The following BRK1 variants were observed in gnomAD, a reference collection of about 807,000 sequenced individuals.
The protein encoded by BRK1 is protein BRICK1.
A neutral mutation model predicts 9.9 loss-of-function variants in BRK1; 6 were observed. The observed-to-expected ratio is 0.60, with a 90% confidence interval of 0.33 to 1.19. The LOEUF is 1.19. Among genes scored for constraint, BRK1 ranks in the 50% most tolerant of loss-of-function variants. The pLI is 0.04. For missense variants in BRK1, 62 were observed against 97.5 expected, an observed-to-expected ratio of 0.64 and a Z score of 1.53; for synonymous variants, 44 against 31.9, an observed-to-expected ratio of 1.38 and a Z score of -1.28.
chr3:10,122,482 G>C (rs1381391320), intron 1 of BRK1, among the ~76,000 whole-genome samples: 2 of 152,044 alleles, frequency 1.3e-5, no homozygotes, highest in African/African-American at 4.8e-5. Context: ...AAGGCAGGTG[G>C]ATTGCTTGAG....
intron 1 of BRK1, among the ~76,000 whole-genome samples, chr3:10,122,890 G>A (rs185107606): frequency 3.9e-5 from 6 of 152,330 alleles, no homozygotes; most frequent in Admixed American, 2.0e-4. Context: ...GTTGAGGCAA[G>A]ATCAGGGTGT....
At chr3:10,124,999 A>T (rs1231861937) in intron 1 of BRK1, among the ~76,000 whole-genome samples, 3 of 152,206 alleles carry the variant, frequency 2.0e-5, no homozygotes, top group Non-Finnish European at 4.4e-5. Context: ...GCCCAAATGG[A>T]CAATCCAAGA....
rs67667957 is a variant in BRK1, at chr3:10,125,580, G to C, written c.119-46G>C. ...GTAGGTGTTGTGTGTGTCTGTGTCT[G>C]TGTTTGGAGTGACATTAATCCTGAA... On this transcript the variant is annotated intron_variant, in intron 1 of 2. Transcript: ENST00000530758. 0.17 allele frequency: 205,913 copies of C among 1,181,436 alleles called. 19,593 individuals carry two copies. The highest frequency in any genetic ancestry group is 0.33 in the African/African-American group (21,932 of 66,158). 73.2% of individuals were successfully genotyped at this position (1,181,436 alleles called of 1,614,324 possible).
intron 1 of BRK1, among the ~76,000 whole-genome samples, chr3:10,122,629 A>T (rs1695773931): frequency 6.6e-6 from 1 of 152,132 alleles, no homozygotes. Flanking sequence ...GCTGAGGTGG[A>T]AGGATCACTT....
At position 10,126,921 on chromosome 3, in the gene BRK1, C is replaced by T. The variant is rs1695849168; in HGVS notation, c.*626C>T. On this transcript the variant is annotated 3_prime_UTR_variant, in exon 3 of 3. Coordinates refer to ENST00000530758, the MANE Select transcript of BRK1 (RefSeq NM_018462.5). ...CCTAATAAACTCCTCAACTTTTTAT[C>T]TGACTGCTGTGATTATGGTGGGGAG... 6.5e-6 allele frequency: 1 copy of T among 152,706 alleles called. No individual in the cohort carries two copies. Among genetic ancestry groups the T allele is most frequent in the Non-Finnish European group, 1.5e-5 (1 of 68,072 alleles). 9.5% of individuals were successfully genotyped at this position (152,706 alleles called of 1,614,324 possible). A position where few individuals can be genotyped will look rare whatever the true frequency, so the allele number is the denominator to read the frequency against.
chr3:10,121,049 G>T (rs1382490898), intron 1 of BRK1, among the ~76,000 whole-genome samples: 1 of 152,128 alleles, frequency 6.6e-6, no homozygotes, highest in Non-Finnish European at 1.5e-5. Flanking sequence ...AGGAAAAGGG[G>T]GATGCTGAAG....
intron 2 of BRK1, among the ~76,000 whole-genome samples, chr3:10,125,999 G>A (rs1695834681): frequency 6.6e-6 from 1 of 152,118 alleles, no homozygotes; most frequent in South Asian, 2.1e-4. Flanking sequence ...GCTGAGGCAG[G>A]AGAATTACTT....
rs184574681 is a variant in BRK1 at position 10,125,184 on chromosome 3, C to T, written c.119-442C>T. Among the ~76,000 whole-genome samples the T allele has an allele frequency of 4.2e-5, 6 of 143,706 alleles. No homozygotes were observed. In the East Asian group the frequency reaches 9.8e-4, roughly 23 times the overall value. The allele number at this position is 143,706 out of a possible 152,430, so 94.3% of individuals were successfully genotyped here. A position where few individuals can be genotyped will look rare whatever the true frequency, so the allele number is the denominator to read the frequency against. On this transcript the variant is annotated intron_variant, in intron 1 of 2. Transcript: ENST00000530758. Reference sequence around the variant, plus strand: ...GTGGCGAGATCTTGGCTCACTGCAACCTTTGCCCCCCCCGGTTCAAGTGAT... The same window carrying T: ...GTGGCGAGATCTTGGCTCACTGCAATCTTTGCCCCCCCCGGTTCAAGTGAT...
At chr3:10,124,096 T>A (rs1260792178) in intron 1 of BRK1, among the ~76,000 whole-genome samples, 1 of 107,378 alleles carries the variant, frequency 9.3e-6, no homozygotes, top group African/African-American at 4.8e-5. Flanking sequence ...TTGAAAGTCT[T>A]AGTTAGGCCA....
chr3:10,124,417 G>A lies in BRK1; in HGVS notation c.119-1209G>A, dbSNP rs141401090. Among the ~76,000 whole-genome samples the A allele has an allele frequency of 5.3e-3, 801 of 151,374 alleles. 8 individuals are homozygous for A. The highest frequency in any genetic ancestry group is 0.018 in the African/African-American group (737 of 41,240). On this transcript the variant is annotated intron_variant, in intron 1 of 2. Transcript: ENST00000530758. ...AGAGGTGGCAGTGAGCCAAGATTGC[G>A]TCACTGCACTCCAGCCTGGAAACAG...
chr3:10,117,110 C>T (rs1026957327), intron 1 of BRK1, among the ~76,000 whole-genome samples: 2 of 152,080 alleles, frequency 1.3e-5, no homozygotes, highest in African/African-American at 4.8e-5. Context: ...ATTAGTTGGG[C>T]ATGGTCATGC....
At chr3:10,123,593 C>A (rs1296943869) in intron 1 of BRK1, among the ~76,000 whole-genome samples, 1 of 18,916 alleles carries the variant, frequency 5.3e-5, no homozygotes, top group Non-Finnish European at 9.3e-5. Flanking sequence ...CGCCACCACA[C>A]CCGGCTAATT....
At chr3:10,123,554 C>A (rs1258930781) in intron 1 of BRK1, among the ~76,000 whole-genome samples, 1 of 149,618 alleles carries the variant, frequency 6.7e-6, no homozygotes, top group Non-Finnish European at 1.5e-5. Context: ...TCTGCCTCAG[C>A]CTCCCGAATA....
At position 10,126,289 on chromosome 3, in the gene BRK1, C is replaced by T. The variant is rs754083550; in HGVS notation, c.222C>T (p.Leu74=). 1.3e-6 allele frequency: 2 copies of T among 1,575,004 alleles called. No individual in the cohort carries two copies. The highest frequency in any genetic ancestry group is 8.6e-7 in the Non-Finnish European group (1 of 1,161,080). Residue 74 remains leucine (L), a synonymous_variant, in exon 3 of 3, where the codon CTC becomes CTT. Transcript: ENST00000530758. The part of the protein sequence containing the change: ...IEARVTKGET[L]T Reference sequence around the variant, plus strand: ...CACAGGTGACAAAAGGTGAGACACTCACCTAGAACAGTGCCGTGCTGCTGC... The same window carrying T: ...CACAGGTGACAAAAGGTGAGACACTTACCTAGAACAGTGCCGTGCTGCTGC...
At position 10,126,271 on chromosome 3, in the gene BRK1, G is replaced by A; in HGVS notation, c.204G>A (p.Val68=). The change falls in exon 3 of 3, where the codon GTG becomes GTA. Residue 68 remains valine, a splice_region_variant and synonymous_variant. Coordinates refer to ENST00000530758, the MANE Select transcript of BRK1 (RefSeq NM_018462.5). ...ERRIEYIEAR[V]TKGETLT ...TCAGTTTTCCTTTCCTTTCACAGGT[G>A]ACAAAAGGTGAGACACTCACCTAGA... 2.6e-6 allele frequency: 4 copies of A among 1,543,338 alleles called. No individual in the cohort carries two copies. Among genetic ancestry groups the A allele is most frequent in the Non-Finnish European group, 3.5e-6 (4 of 1,149,902 alleles).
intron 1 of BRK1, among the ~76,000 whole-genome samples, chr3:10,124,525 T>C (rs918700341): frequency 6.6e-6 from 1 of 152,174 alleles, no homozygotes; most frequent in African/African-American, 2.4e-5. Flanking sequence ...ATTTATTATT[T>C]ACCATGTGTA....
At position 10,115,826 on chromosome 3, in the gene BRK1, G is replaced by A; in HGVS notation, c.118+7G>A. ...GACTTTCTCAACTCGTTCGGTCAGC[G>A]GGCCAGCAAGGGGAGGCGGGGAGGA... On this transcript the variant is annotated splice_region_variant and intron_variant, in intron 1 of 2. Transcript: ENST00000530758. The A allele has an allele frequency of 6.2e-7, 1 of 1,609,744 alleles. No homozygotes were observed. The highest frequency in any genetic ancestry group is 8.5e-7 in the Non-Finnish European group (1 of 1,175,994).
At chr3:10,121,858 G>A (rs1395502578) in intron 1 of BRK1, among the ~76,000 whole-genome samples, 1 of 149,548 alleles carries the variant, frequency 6.7e-6, no homozygotes, top group East Asian at 1.9e-4. Context: ...TGGGATTACA[G>A]GCGTGAGCCT....
At chr3:10,116,923 A>G (rs748542897) in intron 1 of BRK1, among the ~76,000 whole-genome samples, 11 of 152,208 alleles carry the variant, frequency 7.2e-5, no homozygotes, top group Non-Finnish European at 1.5e-4. Flanking sequence ...TTTTTGTATT[A>G]AAGTATTTTC....
Sources: gnomAD v4.1 joint callset for allele counts (sites outside exome capture counted in the v4.1 genomes callset) on GRCh38, gnomAD v4.1.1 for gene constraint, MANE v1.5 for transcripts, NCBI Gene and HGNC (gene_info 2026-07-23, HGNC 2026-07-21) for gene names.